The following LARS1 variants were observed in gnomAD, a reference collection of about 807,000 sequenced individuals.
LARS1 encodes leucyl-tRNA synthetase 1, also known as leucine--tRNA ligase, cytoplasmic.
A neutral mutation model predicts 162.8 loss-of-function variants in LARS1; 100 were observed. The observed-to-expected ratio is 0.61, with a 90% CI of 0.52 to 0.73. The LOEUF is 0.73. Ranked by LOEUF, LARS1 falls within the 30% of genes least tolerant of loss-of-function variation. The pLI is 0.00. For synonymous variants in LARS1, 457 were observed against 462.8 expected, an observed-to-expected ratio of 0.99 and a Z score of 0.16; for missense variants, 1,258 against 1,408.9, an observed-to-expected ratio of 0.89 and a Z score of 1.71.
At chr5:146,172,919 C>CA (rs1754342490) in intron 2 of LARS1, 145 bp from the exon 3 acceptor site, 2 of 422,666 alleles carry the variant, frequency 4.7e-6, no homozygotes, top group African/African-American at 2.1e-5. Flanking sequence ...TATAAATCTA[C>CA]AAATTTAAAA....
intron 30 of LARS1, among the ~76,000 whole-genome samples, chr5:146,120,734 A>G (rs757118126): frequency 3.9e-5 from 6 of 152,206 alleles, no homozygotes; most frequent in Non-Finnish European, 8.8e-5. Flanking sequence ...ATGGACACTA[A>G]CAATAACTAC....
chr5:146,171,647 C>G (rs1369512692), intron 4 of LARS1, among the ~76,000 whole-genome samples: 1 of 152,132 alleles, frequency 6.6e-6, no homozygotes, highest in African/African-American at 2.4e-5. Context: ...CAGTTATTAC[C>G]TAACTGTAAT....
intron 2 of LARS1, among the ~76,000 whole-genome samples, chr5:146,173,276 C>T (rs1754358745): frequency 6.6e-6 from 1 of 151,734 alleles, no homozygotes; most frequent in Non-Finnish European, 1.5e-5. Context: ...ATCATTGAAC[C>T]TGAGAGGCAG....
chr5:146,176,448 C>CAAAA (rs34896615), intron 2 of LARS1, among the ~76,000 whole-genome samples: 19 of 75,864 alleles, frequency 2.5e-4, no homozygotes, highest in East Asian at 7.5e-4. Context: ...AAGACTGTCT[C>CAAAA]AAAAAAAAAA....
chr5:146,179,138 AG>A (rs1005217056), intron 1 of LARS1, among the ~76,000 whole-genome samples: 2 of 152,120 alleles, frequency 1.3e-5, no homozygotes, highest in African/African-American at 4.8e-5. Flanking sequence ...AGGCAAAGAC[AG>A]GAGAATTACC....
rs1752459416 is a variant in LARS1, at chr5:146,135,371, C to T, written c.2212+230G>A. ...TGAATCTTAGCAATGATATTGAGTT[C>T]ATTAAAGGAAGACTCAAACTAACTT... On this transcript the variant is annotated intron_variant, in intron 22 of 31. Transcript: ENST00000394434. Among the ~76,000 whole-genome samples, 3 of 152,034 alleles carry T rather than the reference C, an allele frequency of 2.0e-5. No individual in the cohort carries two copies. The South Asian group carries it at 6.2e-4, about 32-fold the overall frequency.
At chr5:146,167,903 C>A (rs1243402475) in intron 5 of LARS1, among the ~76,000 whole-genome samples, 1 of 151,962 alleles carries the variant, frequency 6.6e-6, no homozygotes. Flanking sequence ...CCAGGATGGT[C>A]TCGATCTCCT....
rs1291943846 is a variant in LARS1 at position 146,182,495 on chromosome 5, G to A, written c.-2C>T. On this transcript the variant is annotated 5_prime_UTR_variant, in exon 1 of 32. Transcript: ENST00000394434. ...CTTCTCGCTCAAACTCACCGCCATTGCACCGCCCAGCCGACTGTGCAAATC... is the reference window on the plus strand; with the variant it reads ...CTTCTCGCTCAAACTCACCGCCATTACACCGCCCAGCCGACTGTGCAAATC... The A allele has an allele frequency of 6.2e-7, 1 of 1,613,856 alleles. No homozygotes were observed. Among genetic ancestry groups the A allele is most frequent in the Admixed American group, 1.7e-5 (1 of 59,994 alleles).
chr5:146,122,597 C>A lies in LARS1; in HGVS notation c.3097-10G>T. The A allele has an allele frequency of 6.5e-7, 1 of 1,538,028 alleles. No homozygotes were observed. The highest frequency in any genetic ancestry group is 1.7e-5 in the Admixed American group (1 of 57,336). ...CTTCTATGTGTTCTAGCTAAACAGA[C>A]GGGAAAAAATGGAAGTTATTAGTAT... On this transcript the variant is annotated splice_polypyrimidine_tract_variant and intron_variant, in intron 29 of 31. Transcript: ENST00000394434.
intron 1 of LARS1, 33 bp downstream of exon 1, chr5:146,182,455 G>C (rs200790901): frequency 9.9e-5 from 160 of 1,613,696 alleles, no homozygotes; most frequent in Non-Finnish European, 1.2e-4. Context: ...TCCGGCTCCA[G>C]GGCCCCTGCG....
intron 6 of LARS1, among the ~76,000 whole-genome samples, chr5:146,163,517 C>G (rs1753867670): frequency 6.6e-6 from 1 of 152,078 alleles, no homozygotes; most frequent in Non-Finnish European, 1.5e-5. Flanking sequence ...GAAACCTCGT[C>G]TCTACTAAAA....
At chr5:146,178,186 T>C (rs1364799222) in intron 1 of LARS1, among the ~76,000 whole-genome samples, 6 of 152,208 alleles carry the variant, frequency 3.9e-5, no homozygotes, top group Non-Finnish European at 7.3e-5. Flanking sequence ...AAGGCTTTGA[T>C]ATGCTTTTTT....
chr5:146,154,279 C>A (rs557717106), intron 10 of LARS1, among the ~76,000 whole-genome samples: 1 of 152,230 alleles, frequency 6.6e-6, no homozygotes, highest in South Asian at 2.1e-4. Context: ...TGGGCTCAGG[C>A]AAGCCTCCTG....
In LARS1 at chr5:146,135,727, A is replaced by G. The variant is rs1380298325; in HGVS notation, c.2149-63T>C. ...TAATATAAATAAACCAAATGAGCCA[A>G]ATAAAATTAACTAGGTTGGCCATGA... On this transcript the variant is annotated intron_variant, in intron 21 of 31. Coordinates refer to ENST00000394434, the MANE Select transcript of LARS1 (RefSeq NM_020117.11). 2.5e-6 allele frequency: 3 copies of G among 1,196,474 alleles called. No individual in the cohort carries two copies. The East Asian group carries it at 8.1e-5, about 32-fold the overall frequency. 74.1% of individuals were successfully genotyped at this position (1,196,474 alleles called of 1,614,324 possible). A position where few individuals can be genotyped will look rare whatever the true frequency, so the allele number is the denominator to read the frequency against.
intron 1 of LARS1, among the ~76,000 whole-genome samples, chr5:146,178,601 C>T (rs542333824): frequency 1.3e-5 from 2 of 148,432 alleles, no homozygotes; most frequent in Non-Finnish European, 3.0e-5. Context: ...GCAACAAGAG[C>T]GAAACTCCAT....
chr5:146,149,533 G>A (rs1753177112), intron 15 of LARS1, 89 bp downstream of exon 15: 2 of 889,522 alleles, frequency 2.2e-6, no homozygotes, highest in African/African-American at 3.3e-5. Flanking sequence ...ATAGCTCCAG[G>A]TTCTACTGTA....
chr5:146,133,364 G>A (rs1752371703), intron 22 of LARS1, among the ~76,000 whole-genome samples: 1 of 152,170 alleles, frequency 6.6e-6, no homozygotes, highest in Non-Finnish European at 1.5e-5. Flanking sequence ...GATCTTTAAT[G>A]AGGCAGAGAT....
At chr5:146,136,556 G>A (rs1256918951) in intron 21 of LARS1, among the ~76,000 whole-genome samples, 2 of 150,588 alleles carry the variant, frequency 1.3e-5, no homozygotes, top group African/African-American at 4.9e-5. Context: ...TCTTGGCTCA[G>A]TGCAACCTCC....
chr5:146,144,823 T>C (rs1439031135), intron 15 of LARS1, 114 bp from the exon 16 acceptor site: 1 of 875,880 alleles, frequency 1.1e-6, no homozygotes, highest in East Asian at 2.6e-5. Flanking sequence ...AAAGCCCACA[T>C]TTTCATTATG....
Sources: gnomAD v4.1 joint callset for allele counts (sites outside exome capture counted in the v4.1 genomes callset) on GRCh38, gnomAD v4.1.1 for gene constraint, MANE v1.5 for transcripts, NCBI Gene and HGNC (gene_info 2026-07-23, HGNC 2026-07-21) for gene names.